Variants in ATP5MK observed in about 807,000 individuals in gnomAD.
The protein encoded by ATP5MK is ATP synthase F(0) complex subunit k, mitochondrial.
ATP5MK carries 5 observed loss-of-function variants against 6.6 expected under a neutral mutation model. The ratio of observed to expected loss-of-function variants is 0.76; its 90% CI spans 0.40 to 1.60. The LOEUF (loss-of-function observed/expected upper bound fraction) is 1.60. ATP5MK is among the 40% of genes most tolerant of loss of function. The probability of loss-of-function intolerance (pLI) is 0.02; values close to 1 mark genes in which losing one functional copy is unlikely to be tolerated. For synonymous variants in ATP5MK, 30 were observed against 24.5 expected, an observed-to-expected ratio of 1.22 and a Z score of -0.66; for missense variants, 57 against 66.6, an observed-to-expected ratio of 0.86 and a Z score of 0.50.
chr10:103,389,772 C>T (rs191732551), intron 4 of ATP5MK, among the ~76,000 whole-genome samples: 1 of 152,114 alleles, frequency 6.6e-6, no homozygotes, highest in African/African-American at 2.4e-5. Flanking sequence ...CGCTCTATCC[C>T]CCAGGATGGA....
At position 103,396,390 on chromosome 10, in the gene ATP5MK, G is replaced by C. The variant is rs1190944674; in HGVS notation, c.-297+19C>G. 6.6e-6 allele frequency: 1 copy of C among 152,360 alleles called. No individual in the cohort carries two copies. The highest frequency in any genetic ancestry group is 1.9e-4 in the East Asian group (1 of 5,210). The allele number at this position is 152,360 out of a possible 1,614,324, so 9.4% of individuals were successfully genotyped here. The stretch of plus-strand genomic sequence containing the variant: ...CGTGCAGGCGCCAGGTCCAAGCCCG[G>C]ACTCCCCTCTTCACCCACCTGCCAA... On this transcript the variant is annotated intron_variant, in intron 1 of 4. Transcript: ENST00000369815.
intron 4 of ATP5MK, among the ~76,000 whole-genome samples, chr10:103,391,830 C>T (rs1206386533): frequency 2.0e-5 from 3 of 151,238 alleles, no homozygotes; most frequent in Non-Finnish European, 4.4e-5. Context: ...TTTTGAGACA[C>T]GATTTTGCTC....
At chr10:103,390,651 C>T (rs1436407198) in intron 4 of ATP5MK, among the ~76,000 whole-genome samples, 2 of 151,226 alleles carry the variant, frequency 1.3e-5, no homozygotes, top group East Asian at 2.0e-4. Flanking sequence ...ATTAGCCATG[C>T]GTGGTGGTGT....
chr10:103,390,813 G>C (rs1173443841), intron 4 of ATP5MK, among the ~76,000 whole-genome samples: 1 of 152,106 alleles, frequency 6.6e-6, no homozygotes, highest in African/African-American at 2.4e-5. Flanking sequence ...GTCTGCGAAG[G>C]AGAGCTACAT....
In ATP5MK at chr10:103,394,136, TAGTA is replaced by T. The variant is rs1171403514; in HGVS notation, c.-10+1606_-10+1609del. ...TACTGCAGTAAATGAAATAGAAAAA[TAGTA>T]AGTGTATTAAAAAAAACTCTGGAAG... is the stretch of plus-strand genomic sequence containing the variant. On this transcript the variant is annotated intron_variant, in intron 2 of 4. Coordinates refer to ENST00000369815, the MANE Select transcript of ATP5MK (RefSeq NM_001206427.2). The T allele has an allele frequency of 2.3e-5, 7 of 306,082 alleles. No homozygotes were observed. The East Asian group carries it at 5.7e-4, about 25-fold the overall frequency. 19.0% of individuals were successfully genotyped at this position (306,082 alleles called of 1,614,324 possible). A position where few individuals can be genotyped will look rare whatever the true frequency, so the allele number is the denominator to read the frequency against.
intron 4 of ATP5MK, among the ~76,000 whole-genome samples, chr10:103,389,575 A>G (rs935564157): frequency 2.0e-5 from 3 of 152,056 alleles, no homozygotes; most frequent in Non-Finnish European, 4.4e-5. Flanking sequence ...CACCCGCCTC[A>G]GCCTCCCAAA....
At chr10:103,394,455 C>A in intron 2 of ATP5MK, 1 of 427,640 alleles carries the variant, frequency 2.3e-6, no homozygotes, top group South Asian at 1.8e-5. Context: ...AACTGGAACT[C>A]CCCCATTCAA....
chr10:103,392,559 G>A, intron 2 of ATP5MK, 93 bp from the exon 3 acceptor site: 1 of 894,030 alleles, frequency 1.1e-6, no homozygotes, highest in South Asian at 1.8e-5. Context: ...AAAACTCAAG[G>A]TCACTGCATA....
At chr10:103,391,577 A>G (rs1033002100) in intron 4 of ATP5MK, among the ~76,000 whole-genome samples, 3 of 151,732 alleles carry the variant, frequency 2.0e-5, no homozygotes, top group African/African-American at 7.3e-5. Context: ...GCGTGATCTC[A>G]GCTCACTGCA....
chr10:103,390,271 C>T (rs1190847175), intron 4 of ATP5MK, among the ~76,000 whole-genome samples: 1 of 151,994 alleles, frequency 6.6e-6, no homozygotes, highest in African/African-American at 2.4e-5. Flanking sequence ...GCAGGTGGAT[C>T]ACTTGAGCCC....
chr10:103,392,216 GT>G lies in ATP5MK; in HGVS notation c.154del (p.Thr52LeufsTer4), dbSNP rs2093416526. ...VLYFKLRSKK[T>X]PAVKAT is the part of the protein sequence containing the mutation. ...CATTTATGTTGCTTTCACAGCTGGA[GT>G]TTTTTTGGACCTTAACTTGAAATAT... On this transcript the variant is annotated frameshift_variant, in exon 4 of 5. Transcript: ENST00000369815. LOFTEE classifies it high-confidence loss of function. The G allele has an allele frequency of 2.5e-6, 4 of 1,613,118 alleles. No homozygotes were observed. The highest frequency in any genetic ancestry group is 1.1e-5 in the South Asian group (1 of 90,952).
chr10:103,394,332 A>G (rs7911488), intron 2 of ATP5MK: 177,108 of 533,164 alleles, frequency 0.33, 32,579 homozygotes, highest in South Asian at 0.51. Flanking sequence ...TCGATTGGCA[A>G]CACAGACGAG....
At chr10:103,391,451 A>T (rs1267765420) in intron 4 of ATP5MK, among the ~76,000 whole-genome samples, 2 of 152,368 alleles carry the variant, frequency 1.3e-5, no homozygotes, top group East Asian at 1.9e-4. Flanking sequence ...GTCACTGGAA[A>T]CCAAACAAAA....
chr10:103,389,320 GATT>G (rs1347380975), intron 4 of ATP5MK, among the ~76,000 whole-genome samples, 154 bp from the exon 5 acceptor site: 2 of 152,056 alleles, frequency 1.3e-5, no homozygotes, highest in African/African-American at 4.8e-5. Flanking sequence ...GTGTATCTCA[GATT>G]AATACTTTTT....
At chr10:103,391,643 G>A (rs1356040987) in intron 4 of ATP5MK, among the ~76,000 whole-genome samples, 1 of 152,042 alleles carries the variant, frequency 6.6e-6, no homozygotes, top group East Asian at 1.9e-4. Flanking sequence ...GAGTAGCTGG[G>A]ATTATAGGCG....
chr10:103,392,067 T>C, intron 4 of ATP5MK, 124 bp downstream of exon 4: 2 of 730,076 alleles, frequency 2.7e-6, no homozygotes, highest in South Asian at 2.0e-5. Context: ...GGCCTCTGTA[T>C]TTTTTTTTCT....
At chr10:103,390,808 C>T (rs1317661839) in intron 4 of ATP5MK, among the ~76,000 whole-genome samples, 2 of 151,322 alleles carry the variant, frequency 1.3e-5, no homozygotes, top group Admixed American at 6.6e-5. Context: ...AAAAAGTCTG[C>T]GAAGGAGAGC....
intron 2 of ATP5MK, chr10:103,394,393 G>T (rs1419255102): frequency 1.9e-6 from 1 of 515,272 alleles, no homozygotes; most frequent in East Asian, 5.6e-5. Flanking sequence ...ACTCAGCTGG[G>T]TCTTGATGAA....
intron 4 of ATP5MK, among the ~76,000 whole-genome samples, chr10:103,390,118 G>C (rs148248442): frequency 6.6e-6 from 1 of 152,114 alleles, no homozygotes; most frequent in Non-Finnish European, 1.5e-5. Context: ...CTACCTGTTC[G>C]TCAGGAATAA....
Sources: allele counts gnomAD v4.1 joint callset (sites outside exome capture counted in the v4.1 genomes callset), GRCh38; gene constraint gnomAD v4.1.1; transcripts MANE v1.5; gene names NCBI Gene and HGNC (gene_info 2026-07-23, HGNC 2026-07-21).